PCDHGA5: variants seen among roughly 807,000 people sequenced by gnomAD.
PCDHGA5 encodes the protein protocadherin gamma subfamily A, 5.
A neutral mutation model predicts 56.7 loss-of-function variants in PCDHGA5; 36 were observed. The ratio of observed to expected loss-of-function variants is 0.64; its 90% CI spans 0.49 to 0.84. The LOEUF is 0.84. Among genes scored for constraint, PCDHGA5 ranks in the 40% least tolerant of loss-of-function variants. The pLI is 0.00. For missense variants in PCDHGA5, 1,305 were observed against 1,201.5 expected (o/e 1.09, Z -1.27); for synonymous variants, 563 against 520.2 (o/e 1.08, Z -1.12).
intron 1 of PCDHGA5, chr5:141,382,815 C>T (rs1166972077): frequency 5.6e-6 from 7 of 1,260,548 alleles, no homozygotes; most frequent in Non-Finnish European, 7.7e-6. Flanking sequence ...GCTCCCCTTC[C>T]TAAGACAGAG....
At chr5:141,404,910 CT>C (rs1185141572) in intron 1 of PCDHGA5, 10 of 1,613,936 alleles carry the variant, frequency 6.2e-6, no homozygotes, top group Non-Finnish European at 8.5e-6. Flanking sequence ...GGCCAGCCCC[CT>C]CTCTCGGCCA....
chr5:141,394,362 C>T, intron 1 of PCDHGA5: 1 of 1,614,174 alleles, frequency 6.2e-7, no homozygotes, highest in Non-Finnish European at 8.5e-7. Flanking sequence ...CCTGTATGCG[C>T]TGCAATCTTT....
At chr5:141,370,420 G>T (rs1766894267) in intron 1 of PCDHGA5, 2 of 1,580,404 alleles carry the variant, frequency 1.3e-6, no homozygotes, top group Non-Finnish European at 1.7e-6. Flanking sequence ...GGATGGAGGG[G>T]CCCAGCAGGG....
At chr5:141,375,865 GGACA>G in intron 1 of PCDHGA5, 2 of 1,613,976 alleles carry the variant, frequency 1.2e-6, no homozygotes. Context: ...TGGTGGCGGT[GGACA>G]GAGACTCGGG....
intron 1 of PCDHGA5, among the ~76,000 whole-genome samples, chr5:141,406,857 A>T (rs1377435171): frequency 2.0e-5 from 3 of 152,244 alleles, no homozygotes; most frequent in Admixed American, 2.0e-4. Flanking sequence ...TTAAGAAAAT[A>T]TTCTCAGGAA....
At chr5:141,461,663 G>C (rs1230719552) in intron 1 of PCDHGA5, among the ~76,000 whole-genome samples, 1 of 151,984 alleles carries the variant, frequency 6.6e-6, no homozygotes, top group Admixed American at 6.6e-5. Flanking sequence ...TTATTTTAAA[G>C]TTTGTTATTT....
At chr5:141,391,759 T>C (rs901291558) in intron 1 of PCDHGA5, 1 of 152,196 alleles carries the variant, frequency 6.6e-6, no homozygotes, top group Non-Finnish European at 1.5e-5. Context: ...GGCTTCTTAG[T>C]AAGTATTATA....
Position 141,489,120 on chromosome 5 carries a change from G to T in PCDHGA5, c.2422-5687G>T. On this transcript the variant is annotated intron_variant, in intron 1 of 3. Coordinates refer to ENST00000518069, the MANE Select transcript of PCDHGA5 (RefSeq NM_018918.3). The surrounding 1 kb of genome is among the most constrained non-coding windows in gnomAD (Gnocchi z 4.5). Reference sequence around the variant, plus strand: ...AACTGCTGCAAGCAGGCAAACCTCCGAGCAGTTTTTAAGAGGCTGGAAGGA... The same window carrying T: ...AACTGCTGCAAGCAGGCAAACCTCCTAGCAGTTTTTAAGAGGCTGGAAGGA... 2.2e-6 allele frequency: 1 copy of T among 445,672 alleles called. No individual in the cohort carries two copies. The highest frequency in any genetic ancestry group is 3.8e-6 in the Non-Finnish European group (1 of 264,754). The allele number at this position is 445,672 out of a possible 1,614,324, so 27.6% of individuals were successfully genotyped here.
At chr5:141,500,295 G>A (rs911106966) in intron 2 of PCDHGA5, among the ~76,000 whole-genome samples, 2 of 151,282 alleles carry the variant, frequency 1.3e-5, no homozygotes, top group African/African-American at 4.9e-5. Flanking sequence ...TGCAAGCTCC[G>A]CCTCCCAGGT....
intron 1 of PCDHGA5, among the ~76,000 whole-genome samples, chr5:141,438,655 T>G (rs1436221152): frequency 7.1e-6 from 1 of 140,042 alleles, no homozygotes; most frequent in East Asian, 2.1e-4. Flanking sequence ...CACACACATA[T>G]ATGTATATAT....
At chr5:141,371,623 T>C in intron 1 of PCDHGA5, 1 of 1,614,008 alleles carries the variant, frequency 6.2e-7, no homozygotes, top group African/African-American at 1.3e-5. Flanking sequence ...GATGGAGCCC[T>C]GGACCGGGAG....
intron 1 of PCDHGA5, chr5:141,421,041 C>G (rs963777669): frequency 5.5e-6 from 3 of 546,514 alleles, no homozygotes; most frequent in Non-Finnish European, 9.5e-6. Context: ...TCCCTCCCTC[C>G]CCCGCCTCTA....
chr5:141,391,797 A>G (rs1283933191), intron 1 of PCDHGA5: 1 of 152,180 alleles, frequency 6.6e-6, no homozygotes, highest in African/African-American at 2.4e-5. Context: ...AGTTTTTTAG[A>G]TCAAAGTGTT....
chr5:141,458,972 GTCC>G (rs2154566422), intron 1 of PCDHGA5, among the ~76,000 whole-genome samples: 1 of 151,882 alleles, frequency 6.6e-6, no homozygotes, highest in East Asian at 1.9e-4. Context: ...GCCTCAAGCA[GTCC>G]TCCTGCCTCA....
chr5:141,432,191 G>C lies in PCDHGA5; in HGVS notation c.2422-62616G>C. 2.5e-6 allele frequency: 4 copies of C among 1,614,110 alleles called. No individual in the cohort carries two copies. Among genetic ancestry groups the C allele is most frequent in the Non-Finnish European group, 3.4e-6 (4 of 1,180,026 alleles). On this transcript the variant is annotated intron_variant, in intron 1 of 3. Coordinates refer to ENST00000518069, the MANE Select transcript of PCDHGA5 (RefSeq NM_018918.3). The surrounding 1 kb of genome is among the most constrained non-coding windows in gnomAD (Gnocchi z 6.0). ...TTCCCTCGTCTCTGTGACCGCCCAC[G>C]ACCCCGACTGTGAAGAGAACGCCCA... is the stretch of plus-strand genomic sequence containing the variant.
At chr5:141,394,436 C>T in intron 1 of PCDHGA5, 1 of 1,614,234 alleles carries the variant, frequency 6.2e-7, no homozygotes, top group South Asian at 1.1e-5. Context: ...GGGACCCGCC[C>T]CTCAGCAGCA....
At position 141,494,841 on chromosome 5, in the gene PCDHGA5, A is replaced by G. The variant is rs1163193977; in HGVS notation, c.2456A>G (p.Gln819Arg). ...APPNTDWRFS[Q>R]AQRPGTSGSQ... ...CCCAACACGGACTGGCGTTTCTCTC[A>G]GGCCCAGAGACCCGGCACCAGCGGG... The change falls in exon 2 of 4, where the codon CAG (glutamine) becomes CGG (arginine). Residue 819 changes from glutamine to arginine, a missense_variant. Gln to Arg is a conservative substitution (Grantham distance 43). Coordinates refer to ENST00000518069, the MANE Select transcript of PCDHGA5 (RefSeq NM_018918.3). 1 of 1,613,996 alleles carries G rather than the reference A, an allele frequency of 6.2e-7. No homozygotes were observed. The highest frequency in any genetic ancestry group is 1.1e-5 in the South Asian group (1 of 91,074).
chr5:141,472,308 G>A (rs897967832), intron 1 of PCDHGA5, among the ~76,000 whole-genome samples: 6 of 152,074 alleles, frequency 3.9e-5, no homozygotes, highest in South Asian at 4.1e-4. Context: ...TTGGGAAGCC[G>A]AGGCAGGCAG....
rs776047060 is a variant in PCDHGA5, at chr5:141,393,622, A to T, written c.2421+26871A>T. The T allele has an allele frequency of 1.9e-6, 3 of 1,613,960 alleles. No individual in the cohort carries two copies. The Admixed American group carries it at 5.0e-5, about 27-fold the overall frequency. ...CTTACTGTAACAGCCAGCGACCCGG[A>T]TGAGGGAATCAACGGAAAAGTGGCA... On this transcript the variant is annotated intron_variant, in intron 1 of 3. Coordinates refer to ENST00000518069, the MANE Select transcript of PCDHGA5 (RefSeq NM_018918.3).
Sources: allele counts gnomAD v4.1 joint callset (sites outside exome capture counted in the v4.1 genomes callset), GRCh38; gene constraint gnomAD v4.1.1; non-coding constraint Gnocchi (gnomAD v3.1); transcripts MANE v1.5; gene names NCBI Gene and HGNC (gene_info 2026-07-23, HGNC 2026-07-21).